CACNA1E: variants seen among roughly 807,000 people sequenced by gnomAD.
CACNA1E encodes the protein calcium voltage-gated channel subunit alpha1 E, also known as voltage-dependent R-type calcium channel subunit alpha-1E.
CACNA1E carries 40 observed loss-of-function variants against 259.2 expected under a neutral mutation model. The ratio of observed to expected loss-of-function variants is 0.15; its 90% confidence interval spans 0.12 to 0.20. The LOEUF (loss-of-function observed/expected upper bound fraction) is 0.20. Among genes scored for constraint, CACNA1E ranks in the 10% least tolerant of loss-of-function variants. The probability of loss-of-function intolerance (pLI) is 1.00; values close to 1 mark genes in which losing one functional copy is unlikely to be tolerated. For synonymous variants in CACNA1E, 1,104 were observed against 1,138.5 expected (o/e 0.97, Z 0.61); for missense variants, 1,874 against 3,040.1 (o/e 0.62, Z 9.02).
chr1:181,674,306 T>A (rs551299526), intron 7 of CACNA1E, among the ~76,000 whole-genome samples: 110 of 136,042 alleles, frequency 8.1e-4, no homozygotes, highest in Non-Finnish European at 4.7e-4. Context: ...GGCAGCAGAA[T>A]GGCGTGAACC....
At chr1:181,347,152 A>G (rs1319913553) in intron 1 of CACNA1E, among the ~76,000 whole-genome samples, 1 of 152,178 alleles carries the variant, frequency 6.6e-6, no homozygotes, top group Admixed American at 6.5e-5. Flanking sequence ...ACTTCGAAGA[A>G]TGGCCACCAC....
At chr1:181,374,406 T>G (rs1571700591) in intron 1 of CACNA1E, among the ~76,000 whole-genome samples, 1 of 151,664 alleles carries the variant, frequency 6.6e-6, no homozygotes, top group Non-Finnish European at 1.5e-5. Context: ...TTGGAGGAAA[T>G]TCAACTTTGA....
intron 5 of CACNA1E, 101 bp from the exon 6 acceptor site, chr1:181,580,494 C>A: frequency 8.7e-7 from 1 of 1,151,356 alleles, no homozygotes; most frequent in Non-Finnish European, 1.3e-6. Context: ...GGCCTCTTTC[C>A]GTGGGGGAAT....
intron 2 of CACNA1E, among the ~76,000 whole-genome samples, chr1:181,432,017 C>T (rs61746552): frequency 0.026 from 4,007 of 152,250 alleles, 178 homozygotes; most frequent in African/African-American, 0.09. Context: ...CATCGCCGAT[C>T]GACCAAGTGG....
At chr1:181,447,128 A>G (rs1402591540) in intron 2 of CACNA1E, among the ~76,000 whole-genome samples, 1 of 152,246 alleles carries the variant, frequency 6.6e-6, no homozygotes, top group East Asian at 1.9e-4. Flanking sequence ...TCAAATATCC[A>G]GAATATCAAG....
intron 7 of CACNA1E, among the ~76,000 whole-genome samples, chr1:181,680,230 TG>T (rs997412065): frequency 2.0e-5 from 3 of 150,840 alleles, no homozygotes; most frequent in Admixed American, 1.3e-4. Context: ...GGAATCAAAA[TG>T]GGCATTTGGG....
At position 181,784,728 on chromosome 1, in the gene CACNA1E, A is replaced by T. The variant is rs1381879836; in HGVS notation, c.5538A>T (p.Leu1846=). 2 of 1,584,748 alleles carry T rather than the reference A, an allele frequency of 1.3e-6. No homozygotes were observed. Residue 1846 remains leucine (L), a synonymous_variant, in exon 41 of 48, where the codon CTA becomes CTT. Transcript: ENST00000367573. The part of the protein sequence containing the change: ...QKETLAIWPH[L]SQKMLDLLVP... ...AGACCCTAGCCATCTGGCCTCACCT[A>T]TCCCAGAAGATGCTGGATCTGCTTG... is the stretch of plus-strand genomic sequence containing the variant.
At chr1:181,706,413 T>C (rs1044403813) in intron 7 of CACNA1E, among the ~76,000 whole-genome samples, 1 of 152,192 alleles carries the variant, frequency 6.6e-6, no homozygotes, top group Non-Finnish European at 1.5e-5. Flanking sequence ...ATGAGCCTGA[T>C]GGGCATGTTA....
chr1:181,425,214 T>C (rs1659075789), intron 2 of CACNA1E, among the ~76,000 whole-genome samples: 1 of 152,130 alleles, frequency 6.6e-6, no homozygotes, highest in East Asian at 1.9e-4. Flanking sequence ...TGGTCAGCAC[T>C]CACATCACAA....
chr1:181,627,943 A>G (rs1656352870), intron 6 of CACNA1E, among the ~76,000 whole-genome samples: 1 of 152,240 alleles, frequency 6.6e-6, no homozygotes, highest in South Asian at 2.1e-4. Context: ...TGAAATTGGC[A>G]TTTGAGATCA....
intron 3 of CACNA1E, 127 bp from the exon 4 acceptor site, chr1:181,577,639 C>T: frequency 3.6e-6 from 2 of 553,072 alleles, no homozygotes; most frequent in South Asian, 4.9e-5. Context: ...CTCAGGTGCA[C>T]CCACATACAG....
intron 1 of CACNA1E, among the ~76,000 whole-genome samples, chr1:181,389,092 A>C (rs1446505523): frequency 6.6e-6 from 1 of 152,136 alleles, no homozygotes; most frequent in East Asian, 1.9e-4. Context: ...TTTAATATAC[A>C]TTTTTGATTA....
intron 5 of CACNA1E, among the ~76,000 whole-genome samples, chr1:181,580,110 AT>A (rs1286074140): frequency 6.6e-6 from 1 of 152,124 alleles, no homozygotes; most frequent in Non-Finnish European, 1.5e-5. Context: ...TTGGATTTCT[AT>A]TTTTTATTTT....
chr1:181,675,460 G>C (rs1316840234), intron 7 of CACNA1E, among the ~76,000 whole-genome samples: 1 of 152,168 alleles, frequency 6.6e-6, no homozygotes, highest in Non-Finnish European at 1.5e-5. Flanking sequence ...TTTCTTCCAT[G>C]TTTTGTTTCT....
intron 2 of CACNA1E, among the ~76,000 whole-genome samples, chr1:181,425,845 G>C (rs61812687): frequency 6.6e-5 from 10 of 151,914 alleles, no homozygotes; most frequent in African/African-American, 2.4e-4. Flanking sequence ...TGAGGAAGAG[G>C]GCTTGTCCCC....
At position 181,755,600 on chromosome 1, in the gene CACNA1E, G is replaced by A. The variant is rs60122045; in HGVS notation, c.3989+203G>A. On this transcript the variant is annotated intron_variant, in intron 28 of 47. Coordinates refer to ENST00000367573, the MANE Select transcript of CACNA1E (RefSeq NM_001205293.3). ...CGAAAACTTGAGTGTAAAATATCTC[G>A]TACCATGACATTTTACACTCGAGTT... is the stretch of plus-strand genomic sequence containing the variant. Among the ~76,000 whole-genome samples, 1,477 of 152,140 alleles carry A rather than the reference G, an allele frequency of 9.7e-3. 24 individuals are homozygous for A. The highest frequency in any genetic ancestry group is 0.033 in the African/African-American group (1,372 of 41,482).
At chr1:181,727,953 T>A (rs917785028) in intron 18 of CACNA1E, among the ~76,000 whole-genome samples, 1 of 152,172 alleles carries the variant, frequency 6.6e-6, no homozygotes, top group African/African-American at 2.4e-5. Context: ...ACGGCCATCA[T>A]GTTGCCTTTG....
chr1:181,462,727 T>G (rs1337925750), intron 2 of CACNA1E, among the ~76,000 whole-genome samples: 1 of 152,194 alleles, frequency 6.6e-6, no homozygotes, highest in Admixed American at 6.5e-5. Context: ...TGTATATGAA[T>G]TTTTTGAGTT....
intron 1 of CACNA1E, among the ~76,000 whole-genome samples, chr1:181,409,632 C>T (rs551821760): frequency 6.6e-6 from 1 of 152,228 alleles, no homozygotes; most frequent in African/African-American, 2.4e-5. Context: ...TTCGAGTGTC[C>T]TTTCCTAGAA....
Sources: allele counts gnomAD v4.1 joint callset (sites outside exome capture counted in the v4.1 genomes callset), GRCh38; gene constraint gnomAD v4.1.1; transcripts MANE v1.5; gene names NCBI Gene and HGNC (gene_info 2026-07-23, HGNC 2026-07-21).